The following TBL1X variants were observed in gnomAD, a reference collection of about 807,000 sequenced individuals.
TBL1X encodes the protein F-box-like/WD repeat-containing protein TBL1X.
Under a neutral mutation model 50.7 loss-of-function variants are expected in TBL1X, and 10 were observed. The ratio of observed to expected loss-of-function variants is 0.20; its 90% CI spans 0.12 to 0.33. TBL1X has a LOEUF of 0.33. TBL1X is among the 10% of genes least tolerant of loss of function. The pLI is 1.00. For synonymous variants in TBL1X, 190 were observed against 214.7 expected (o/e 0.88, Z 1.01); for missense variants, 340 against 504.4 (o/e 0.67, Z 3.12).
intron 5 of TBL1X, among the ~76,000 whole-genome samples, chrX:9,656,508 G>A (rs1028459017): frequency 2.7e-5 from 3 of 112,604 alleles, no homozygotes; most frequent in African/African-American, 6.5e-5. Flanking sequence ...CAGAAAGGTC[G>A]GCTTCCTTAT....
intron 15 of TBL1X, among the ~76,000 whole-genome samples, chrX:9,710,965 A>T (rs1021777783): frequency 1.8e-5 from 2 of 112,345 alleles, no homozygotes; most frequent in Admixed American, 1.9e-4. Flanking sequence ...GTAATAATAG[A>T]TGTCATGTTT....
chrX:9,525,827 A>G (rs1015875548), intron 2 of TBL1X, among the ~76,000 whole-genome samples: 12 of 111,555 alleles, frequency 1.1e-4, no homozygotes, highest in Non-Finnish European at 2.3e-4. Flanking sequence ...CAGAGAAAAT[A>G]ATTTTTTCCC....
chrX:9,482,725 G>A (rs1344314365), intron 1 of TBL1X, among the ~76,000 whole-genome samples: 2 of 110,676 alleles, frequency 1.8e-5, no homozygotes, highest in Non-Finnish European at 3.8e-5. Context: ...TCTATAGCCA[G>A]CACCTTAAGA....
At chrX:9,653,236 T>G (rs887806653) in intron 3 of TBL1X, among the ~76,000 whole-genome samples, 1 of 112,837 alleles carries the variant, frequency 8.9e-6, no homozygotes, top group Non-Finnish European at 1.9e-5. Flanking sequence ...TGCCCAGCTG[T>G]TTGGAGTGAG....
At chrX:9,514,740 TACCTAGCCTTG>T (rs2082073483) in intron 2 of TBL1X, among the ~76,000 whole-genome samples, 3 of 43,637 alleles carry the variant, frequency 6.9e-5, no homozygotes, top group Non-Finnish European at 1.9e-4. Flanking sequence ...GCAACACAGT[TACCTAGCCTTG>T]GAGCCCTTAC....
intron 2 of TBL1X, among the ~76,000 whole-genome samples, chrX:9,621,088 G>A (rs1025194567): frequency 8.9e-6 from 1 of 111,893 alleles, no homozygotes. Context: ...GGTTGGGTGG[G>A]TGGAGGTCTC....
At position 9,653,693 on chromosome X, in the gene TBL1X, C is replaced by G. The variant is rs377641433; in HGVS notation, c.103+4C>G. The stretch of plus-strand genomic sequence containing the variant: ...TTTCAACGTTTGCGAGGGAGAGGTA[C>G]TGCGGTTCCTCATGTGGCCAGGACC... On this transcript the variant is annotated splice_donor_region_variant and intron_variant, in intron 4 of 17. Transcript: ENST00000645353. 109 of 1,164,630 alleles carry G rather than the reference C, an allele frequency of 9.4e-5. No individual in the cohort carries two copies. Among genetic ancestry groups the G allele is most frequent in the Non-Finnish European group, 1.1e-4 (99 of 870,967 alleles).
intron 2 of TBL1X, among the ~76,000 whole-genome samples, chrX:9,590,255 T>C (rs1282143880): frequency 1.8e-5 from 2 of 112,110 alleles, no homozygotes; most frequent in Non-Finnish European, 3.8e-5. Context: ...CTAATTGCTA[T>C]GTTTGTGTAA....
chrX:9,485,513 C>T (rs895643889), intron 1 of TBL1X, among the ~76,000 whole-genome samples: 2 of 111,593 alleles, frequency 1.8e-5, no homozygotes, highest in African/African-American at 6.5e-5. Context: ...AAACTCAAAC[C>T]ATGACACTCC....
chrX:9,557,193 C>T (rs762199578), intron 2 of TBL1X, among the ~76,000 whole-genome samples: 2 of 111,821 alleles, frequency 1.8e-5, no homozygotes, highest in African/African-American at 3.3e-5. Flanking sequence ...TTCTTGGAAA[C>T]GGCGTTAACC....
intron 2 of TBL1X, among the ~76,000 whole-genome samples, chrX:9,604,225 A>G (rs1252146672): frequency 9.0e-6 from 1 of 111,638 alleles, no homozygotes; most frequent in East Asian, 2.8e-4. Context: ...AGGGTGGCCA[A>G]AGAAATTCTT....
At chrX:9,686,727 G>A (rs986235176) in intron 6 of TBL1X, among the ~76,000 whole-genome samples, 4 of 112,024 alleles carry the variant, frequency 3.6e-5, no homozygotes, top group African/African-American at 6.5e-5. Context: ...GTGTGCCCGC[G>A]GAGTTTAAAT....
chrX:9,487,056 T>G (rs898996619), intron 1 of TBL1X, among the ~76,000 whole-genome samples: 4 of 111,998 alleles, frequency 3.6e-5, no homozygotes, highest in South Asian at 3.7e-4. Context: ...GTAAGGAGGC[T>G]TATCTCCTTA....
At chrX:9,695,459 G>A (rs1218091557) in intron 11 of TBL1X, among the ~76,000 whole-genome samples, 1 of 112,832 alleles carries the variant, frequency 8.9e-6, no homozygotes, top group African/African-American at 3.2e-5. Flanking sequence ...TTGCCAAGAT[G>A]TTCTAATTCA....
upstream of TBL1X, chrX:9,463,578 G>C (rs371163855): frequency 8.9e-6 from 1 of 112,383 alleles, no homozygotes; most frequent in African/African-American, 3.2e-5. Context: ...CGCCGTTTTG[G>C]TGGAGGACCG....
At chrX:9,689,407 A>G (rs2083083946) in intron 7 of TBL1X, among the ~76,000 whole-genome samples, 1 of 112,264 alleles carries the variant, frequency 8.9e-6, no homozygotes, top group African/African-American at 3.2e-5. Flanking sequence ...AGGTTCACAG[A>G]TTGTTAATAA....
rs761388448 is a variant in TBL1X at position 9,716,269 on chromosome X, G to A, written c.*23G>A. ...TAACCACAAAATATTATCGAAAAAA[G>A]AAAAGAATTCTAATGACCAGCCGTG... On this transcript the variant is annotated 3_prime_UTR_variant, in exon 18 of 18. Transcript: ENST00000645353. 5.0e-6 allele frequency: 6 copies of A among 1,201,938 alleles called. No individual in the cohort carries two copies. Among genetic ancestry groups the A allele is most frequent in the Non-Finnish European group, 6.8e-6 (6 of 888,495 alleles).
rs2081916277 is a variant in TBL1X, at chrX:9,486,880, C to T, written c.-200-14900C>T. ...GGACTCTTTGTTGCAAAAGCATCTT[C>T]TTGAATTTGATAATAAAGCCCTACT... On this transcript the variant is annotated intron_variant, in intron 1 of 17. Transcript: ENST00000645353. Among the ~76,000 whole-genome samples the T allele has an allele frequency of 2.7e-5, 3 of 111,489 alleles. No homozygotes were observed. The South Asian group carries it at 1.1e-3, about 42-fold the overall frequency.
chrX:9,498,704 A>G (rs976222710), intron 1 of TBL1X, among the ~76,000 whole-genome samples: 25 of 112,518 alleles, frequency 2.2e-4, no homozygotes, highest in African/African-American at 5.5e-4. Context: ...GTCTTGGAGC[A>G]AGCCTGTGGG....
Sources: gnomAD v4.1 joint callset for allele counts (sites outside exome capture counted in the v4.1 genomes callset) on GRCh38, gnomAD v4.1.1 for gene constraint, MANE v1.5 for transcripts, NCBI Gene and HGNC (gene_info 2026-07-23, HGNC 2026-07-21) for gene names.